The following CARD9 variants were observed in gnomAD, a reference collection of about 807,000 sequenced individuals.
CARD9 encodes the protein caspase recruitment domain family member 9, also known as caspase recruitment domain-containing protein 9.
A neutral mutation model predicts 66.0 loss-of-function variants in CARD9; 53 were observed. That is an observed-to-expected ratio of 0.80 (90% CI 0.64 to 1.01). CARD9 has a LOEUF of 1.01. CARD9 is among the 50% of genes least tolerant of loss of function. CARD9 has a pLI of 0.00. For missense variants in CARD9, 769 were observed against 743.2 expected, an observed-to-expected ratio of 1.03 and a Z score of -0.40; for synonymous variants, 387 against 313.8, an observed-to-expected ratio of 1.23 and a Z score of -2.47.
Position 136,367,645 on chromosome 9 carries a change from G to C in CARD9, c.1261C>G (p.Leu421Val). 3 of 1,587,408 alleles carry C rather than the reference G, an allele frequency of 1.9e-6. No individual in the cohort carries two copies. The highest frequency in any genetic ancestry group is 2.6e-6 in the Non-Finnish European group (3 of 1,173,246). The change falls in exon 8 of 13, where the codon CTC becomes GTC. Residue 421 changes from leucine (L) to valine (V), a missense_variant. Physicochemically the swap from Leu to Val is conservative, Grantham distance 32. Coordinates refer to ENST00000371732, the MANE Select transcript of CARD9 (RefSeq NM_052813.5). Reference protein sequence around the residue: ...GRLRRQQLETLVLSSDLEDGS... With the variant: ...GRLRRQQLETVVLSSDLEDGS... ...GCAGGCCCCAGGCCCACCAGGACGA[G>C]CGTCTCCAGCTGCTGCCGCCTGAGC...
intron 6 of CARD9, 98 bp downstream of exon 6, chr9:136,370,196 T>C: frequency 4.6e-6 from 7 of 1,525,464 alleles, no homozygotes; most frequent in Middle Eastern, 2.3e-4. Context: ...TGCACTGGGG[T>C]CTCCACACCC....
chr9:136,367,044 A>G (rs1334411307), intron 9 of CARD9, among the ~76,000 whole-genome samples, 172 bp downstream of exon 9: 3 of 151,990 alleles, frequency 2.0e-5, no homozygotes, highest in Non-Finnish European at 4.4e-5. Context: ...GCCTTACCTT[A>G]CCCCTTGAGC....
chr9:136,370,754 C>A (rs746279044), intron 4 of CARD9, 53 bp from the exon 5 acceptor site: 12 of 1,610,622 alleles, frequency 7.5e-6, no homozygotes, highest in Admixed American at 1.7e-5. Flanking sequence ...GACCGCAGAC[C>A]CGTGGGGCCA....
At chr9:136,364,894 C>CG in intron 11 of CARD9, 1 of 596,472 alleles carries the variant, frequency 1.7e-6, no homozygotes. Context: ...TAAAGGCCCT[C>CG]GGAAAACCAG....
At position 136,367,625 on chromosome 9, in the gene CARD9, C is replaced by G. The variant is rs558475431; in HGVS notation, c.1269+12G>C. ...CGCCGGCTCCCCTCCCTGCCGCAGG[C>G]CCCAGGCCCACCAGGACGAGCGTCT... On this transcript the variant is annotated intron_variant, in intron 8 of 12. Coordinates refer to ENST00000371732, the MANE Select transcript of CARD9 (RefSeq NM_052813.5). 6.4e-7 allele frequency: 1 copy of G among 1,572,154 alleles called. No individual in the cohort carries two copies. The highest frequency in any genetic ancestry group is 2.3e-5 in the East Asian group (1 of 43,748).
intron 5 of CARD9, 39 bp downstream of exon 5, chr9:136,370,483 G>C (rs769311640): frequency 6.2e-6 from 10 of 1,603,954 alleles, no homozygotes; most frequent in Admixed American, 1.7e-5. Context: ...GGCCCCCACT[G>C]CCCTGCCTGG....
Position 136,369,802 on chromosome 9 carries a change from C to A in CARD9, c.1025G>T (p.Arg342Leu), listed in dbSNP as rs755342196. The A allele has an allele frequency of 6.2e-7, 1 of 1,612,372 alleles. No individual in the cohort carries two copies. The highest frequency in any genetic ancestry group is 8.5e-7 in the Non-Finnish European group (1 of 1,179,840). ...LRKDSKMYKD[R>L]IEAILLQMEE... ...CATCTGCAGCAGGATGGCCTCGATG[C>A]GGTCCTTGTACATCTTGGAGTCCTT... The change falls in exon 7 of 13, where the codon CGC becomes CTC. Residue 342 changes from arginine (R) to leucine (L), a missense_variant. Arg to Leu is a moderately radical substitution (Grantham distance 102, BLOSUM62 -2). Coordinates refer to ENST00000371732, the MANE Select transcript of CARD9 (RefSeq NM_052813.5).
rs375692399 is a variant in CARD9, at chr9:136,370,716, G to T, written c.628-15C>A. 6 of 1,612,676 alleles carry T rather than the reference G, an allele frequency of 3.7e-6. No individual in the cohort carries two copies. In the Admixed American group the frequency reaches 1.0e-4, roughly 27 times the overall value. On this transcript the variant is annotated splice_polypyrimidine_tract_variant and intron_variant, in intron 4 of 12. Transcript: ENST00000371732. ...AGCTGGTCAATCTGCAGAAGGTCCA[G>T]TGAGCCTGGCTGTCCCCTCCAGGCG... is the stretch of plus-strand genomic sequence containing the variant.
chr9:136,370,530 A>C lies in CARD9; in HGVS notation c.799T>G (p.Ser267Ala). Residue 267 changes from serine (S) to alanine (A), a missense_variant, in exon 5 of 13, where the codon TCC becomes GCC. Ser to Ala is a moderately conservative substitution (Grantham distance 99, BLOSUM62 1). Coordinates refer to ENST00000371732, the MANE Select transcript of CARD9 (RefSeq NM_052813.5). ...LQARVQELEASVQEGKLDRSS... is the reference protein window; with the variant it reads ...LQARVQELEAAVQEGKLDRSS... ...CCTGCCTACGGCCCCACCTGGACGG[A>C]GGCCTCCAGCTCCTGCACCCGGGCC... The C allele has an allele frequency of 6.2e-7, 1 of 1,600,638 alleles. No individual in the cohort carries two copies. The highest frequency in any genetic ancestry group is 8.5e-7 in the Non-Finnish European group (1 of 1,175,272).
At chr9:136,369,945 G>T in intron 6 of CARD9, 70 bp from the exon 7 acceptor site, 1 of 1,598,438 alleles carries the variant, frequency 6.3e-7, no homozygotes, top group Non-Finnish European at 8.5e-7. Context: ...GTATACTCCG[G>T]GCAGGGGCTC....
At chr9:136,371,488 G>T in intron 2 of CARD9, 27 bp from the exon 3 acceptor site, 1 of 1,562,060 alleles carries the variant, frequency 6.4e-7, no homozygotes, top group South Asian at 1.2e-5. Flanking sequence ...CCTAACTGGG[G>T]GCGGGGCACA....
rs1296563419 is a variant in CARD9, at chr9:136,364,804, G to GGTCC, written c.1435-249_1435-246dup. 47 of 600,642 alleles carry GGTCC rather than the reference G, an allele frequency of 7.8e-5. 1 individual carries two copies. Among genetic ancestry groups the GGTCC allele is most frequent in the Middle Eastern group, 8.8e-4 (2 of 2,284 alleles). The allele number at this position is 600,642 out of a possible 1,614,324, so 37.2% of individuals were successfully genotyped here. On this transcript the variant is annotated intron_variant, in intron 11 of 12. Coordinates refer to ENST00000371732, the MANE Select transcript of CARD9 (RefSeq NM_052813.5). Reference sequence around the variant, plus strand: ...AGGCCAAGCCACGGCTCCAGCCTGGGGTCCGGGCCATTGTTTCTACAACAA... The same window carrying GGTCC: ...AGGCCAAGCCACGGCTCCAGCCTGGGGTCCGTCCGGGCCATTGTTTCTACAACAA...
At chr9:136,365,000 CTG>C in intron 11 of CARD9, 139 bp downstream of exon 11, 1 of 764,028 alleles carries the variant, frequency 1.3e-6, no homozygotes, top group South Asian at 1.7e-5. Flanking sequence ...ACCCCGAGCA[CTG>C]TGGGCAGAGA....
At chr9:136,365,302 A>C (rs1588719995) in intron 10 of CARD9, 85 bp from the exon 11 acceptor site, 1 of 1,311,794 alleles carries the variant, frequency 7.6e-7, no homozygotes, top group Non-Finnish European at 1.1e-6. Context: ...CCGGCATTGC[A>C]GTGGGGCTGT....
chr9:136,370,173 T>G, intron 6 of CARD9, 121 bp downstream of exon 6: 1 of 1,486,466 alleles, frequency 6.7e-7, no homozygotes, highest in Non-Finnish European at 9.0e-7. Flanking sequence ...CAGGAGTGGG[T>G]GAGTGGAGGC....
At chr9:136,373,212 CTT>C (rs1005961639) in intron 1 of CARD9, among the ~76,000 whole-genome samples, 11 of 152,224 alleles carry the variant, frequency 7.2e-5, no homozygotes, top group African/African-American at 2.7e-4. Context: ...TCCCGCTGCA[CTT>C]TGTCACCCCA....
chr9:136,371,767 C>T (rs901513616), intron 2 of CARD9, 128 bp downstream of exon 2: 44 of 1,455,188 alleles, frequency 3.0e-5, no homozygotes, highest in Non-Finnish European at 3.8e-5. Context: ...GGGCCTCAGT[C>T]AGAGGCCAGG....
chr9:136,365,387 T>C (rs967148703), intron 10 of CARD9, 170 bp from the exon 11 acceptor site: 3 of 626,144 alleles, frequency 4.8e-6, no homozygotes, highest in Non-Finnish European at 5.7e-6. Context: ...TGAGGCCTTA[T>C]GGCCTCGCTT....
intron 11 of CARD9, chr9:136,364,831 G>A (rs1296305600): frequency 3.3e-6 from 2 of 597,056 alleles, no homozygotes; most frequent in Middle Eastern, 4.4e-4. Context: ...CTACAACAAA[G>A]CCCGAGGTGG....
Sources: allele counts gnomAD v4.1 joint callset (sites outside exome capture counted in the v4.1 genomes callset), GRCh38; gene constraint gnomAD v4.1.1; transcripts MANE v1.5; gene names NCBI Gene and HGNC (gene_info 2026-07-23, HGNC 2026-07-21).